The following EPHB1 variants were observed in gnomAD, a reference collection of about 807,000 sequenced individuals.
EPHB1 encodes ephrin type-B receptor 1.
EPHB1 carries 30 observed loss-of-function variants against 94.4 expected under a neutral mutation model. The ratio of observed to expected loss-of-function variants is 0.32; its 90% CI spans 0.24 to 0.43. EPHB1 has a LOEUF of 0.43. Among genes scored for constraint, EPHB1 ranks in the 20% least tolerant of loss-of-function variants. The pLI is 1.00. For synonymous variants in EPHB1, 522 were observed against 489.1 expected, an observed-to-expected ratio of 1.07 and a Z score of -0.89; for missense variants, 1,055 against 1,308.3, an observed-to-expected ratio of 0.81 and a Z score of 2.99.
intron 12 of EPHB1, among the ~76,000 whole-genome samples, chr3:135,218,622 A>C (rs1314646719): frequency 1.3e-5 from 2 of 152,230 alleles, no homozygotes; most frequent in South Asian, 4.1e-4. Context: ...GGGAGGGGCC[A>C]GCCACCTGGG....
Position 135,127,216 on chromosome 3 carries a change from C to G in EPHB1, c.962-5498C>G, listed in dbSNP as rs141672617. 4.6e-5 allele frequency among the ~76,000 whole-genome samples: 7 copies of G among 152,302 alleles called. No individual in the cohort carries two copies. The East Asian group carries it at 1.4e-3, about 29-fold the overall frequency. ...TTGGTTTCGGGGGACTAAGAACCCC[C>G]TCAGAGTCTGAAAAATCATGTGTTG... On this transcript the variant is annotated intron_variant, in intron 4 of 15. Transcript: ENST00000398015.
intron 1 of EPHB1, among the ~76,000 whole-genome samples, chr3:134,895,178 C>T (rs2107687109): frequency 6.6e-6 from 1 of 152,298 alleles, no homozygotes; most frequent in African/African-American, 2.4e-5. Context: ...TCTGCTTTTC[C>T]CTGCTTCCTT....
At chr3:135,073,755 A>G (rs1428377835) in intron 3 of EPHB1, among the ~76,000 whole-genome samples, 3 of 151,956 alleles carry the variant, frequency 2.0e-5, no homozygotes, top group Admixed American at 2.0e-4. Flanking sequence ...CTTTTAATCT[A>G]TAGTTTTCCC....
intron 13 of EPHB1, among the ~76,000 whole-genome samples, chr3:135,247,099 C>CTGTT (rs1251838672): frequency 1.3e-5 from 2 of 152,078 alleles, no homozygotes; most frequent in African/African-American, 2.4e-5. Context: ...AATGCTTTAA[C>CTGTT]TGTTTATTTT....
intron 9 of EPHB1, among the ~76,000 whole-genome samples, chr3:135,178,219 C>CG (rs775780350): frequency 4.6e-4 from 44 of 96,272 alleles, no homozygotes; most frequent in East Asian, 3.9e-3. Flanking sequence ...TTTGGGAGGC[C>CG]GGGGAGGGGG....
At chr3:134,901,395 C>A (rs181794623) in intron 1 of EPHB1, among the ~76,000 whole-genome samples, 3 of 152,246 alleles carry the variant, frequency 2.0e-5, no homozygotes, top group African/African-American at 7.2e-5. Flanking sequence ...TTGGATAAAC[C>A]AGGCTACATG....
intron 1 of EPHB1, among the ~76,000 whole-genome samples, chr3:134,802,994 T>G (rs935889852): frequency 6.6e-6 from 1 of 152,060 alleles, no homozygotes; most frequent in Non-Finnish European, 1.5e-5. Context: ...AGGTCCTGTT[T>G]CCCCCTCCAT....
chr3:134,913,336 C>T (rs978630715), intron 1 of EPHB1, among the ~76,000 whole-genome samples: 7 of 152,120 alleles, frequency 4.6e-5, no homozygotes, highest in Non-Finnish European at 7.4e-5. Flanking sequence ...GCAGGCCCAG[C>T]GCTGAACTTT....
chr3:135,223,079 A>G (rs1943312107), intron 12 of EPHB1, among the ~76,000 whole-genome samples: 1 of 152,256 alleles, frequency 6.6e-6, no homozygotes, highest in Admixed American at 6.5e-5. Context: ...ACACTTAGGC[A>G]TAAGAAATAG....
chr3:135,249,840 G>A (rs750315024), intron 15 of EPHB1, among the ~76,000 whole-genome samples: 1 of 151,886 alleles, frequency 6.6e-6, no homozygotes, highest in Non-Finnish European at 1.5e-5. Flanking sequence ...AATAACAGCA[G>A]GAAAAGCATT....
intron 3 of EPHB1, among the ~76,000 whole-genome samples, chr3:135,061,139 A>T (rs1233086628): frequency 6.6e-6 from 1 of 152,140 alleles, no homozygotes; most frequent in Non-Finnish European, 1.5e-5. Context: ...TTAAAAAAAA[A>T]TTTCCATAGG....
intron 1 of EPHB1, among the ~76,000 whole-genome samples, chr3:134,845,803 A>G (rs539579493): frequency 6.6e-6 from 1 of 152,260 alleles, no homozygotes; most frequent in African/African-American, 2.4e-5. Flanking sequence ...CTCACATGTC[A>G]CAGTATTTCT....
In EPHB1 at chr3:135,199,077, A is replaced by T. The variant is rs370572485; in HGVS notation, c.2131-2397A>T. Among the ~76,000 whole-genome samples, 5 of 152,360 alleles carry T rather than the reference A, an allele frequency of 3.3e-5. No homozygotes were observed. In the South Asian group the frequency reaches 8.3e-4, roughly 25 times the overall value. The stretch of plus-strand genomic sequence containing the variant: ...TGACTTAAAGCAAAAATGTAGACAC[A>T]TTGCTGCATGCACTTTCAACATTAC... On this transcript the variant is annotated intron_variant, in intron 11 of 15. Transcript: ENST00000398015.
chr3:134,914,496 T>C (rs1023803472), intron 1 of EPHB1, among the ~76,000 whole-genome samples: 1 of 152,136 alleles, frequency 6.6e-6, no homozygotes, highest in Non-Finnish European at 1.5e-5. Context: ...GGCTATCAGA[T>C]CCAAGTCCAG....
chr3:134,826,683 C>T (rs2036484632), intron 1 of EPHB1, among the ~76,000 whole-genome samples: 1 of 152,186 alleles, frequency 6.6e-6, no homozygotes, highest in Admixed American at 6.5e-5. Context: ...TAAAATTAAT[C>T]ACCCCCTTGT....
chr3:134,845,702 C>T (rs543734345), intron 1 of EPHB1, among the ~76,000 whole-genome samples: 4 of 152,312 alleles, frequency 2.6e-5, no homozygotes, highest in South Asian at 2.1e-4. Flanking sequence ...TAGGCAGTAA[C>T]GGTTATATAC....
At chr3:135,253,041 TTG>T (rs1933197596) in intron 15 of EPHB1, among the ~76,000 whole-genome samples, 2 of 150,294 alleles carry the variant, frequency 1.3e-5, no homozygotes, top group Non-Finnish European at 3.0e-5. Context: ...TTCATGTCCT[TTG>T]CCCACTTTTT....
chr3:135,179,582 A>T (rs1392029125), intron 9 of EPHB1, among the ~76,000 whole-genome samples: 1 of 152,208 alleles, frequency 6.6e-6, no homozygotes, highest in Non-Finnish European at 1.5e-5. Context: ...ACTGGTCCCG[A>T]TCTGTCACTT....
chr3:135,222,618 G>A (rs750250588), intron 12 of EPHB1, among the ~76,000 whole-genome samples: 4 of 152,122 alleles, frequency 2.6e-5, no homozygotes, highest in Non-Finnish European at 4.4e-5. Context: ...TCTGTTTTCT[G>A]ATAAAACAGG....
Sources: allele counts gnomAD v4.1 joint callset (sites outside exome capture counted in the v4.1 genomes callset), GRCh38; gene constraint gnomAD v4.1.1; transcripts MANE v1.5; gene names NCBI Gene and HGNC (gene_info 2026-07-23, HGNC 2026-07-21).